Variants in RYR2 observed in about 807,000 individuals in gnomAD.
The protein encoded by RYR2 is cardiac muscle ryanodine receptor-calcium release channel.
RYR2 carries 227 observed loss-of-function variants against 601.1 expected under a neutral mutation model. That is an observed-to-expected ratio of 0.38 (90% CI 0.34 to 0.42). The LOEUF (loss-of-function observed/expected upper bound fraction) is 0.42. Ranked by LOEUF, RYR2 falls within the 10% of genes least tolerant of loss-of-function variation. The pLI is 1.00. For synonymous variants in RYR2, 2,223 were observed against 2,175.1 expected (o/e 1.02, Z -0.61); for missense variants, 4,646 against 6,156.5 (o/e 0.75, Z 8.21).
At chr1:237,374,643 A>G in intron 6 of RYR2, 74 bp from the exon 7 acceptor site, 2 of 1,261,536 alleles carry the variant, frequency 1.6e-6, no homozygotes, top group East Asian at 2.5e-5. Context: ...TGAGCTACAG[A>G]GCAACCTTGT....
rs779948778 is a variant in RYR2, at chr1:237,730,293, T to C, written c.10872T>C (p.Tyr3624=). 1 of 1,608,980 alleles carries C rather than the reference T, an allele frequency of 6.2e-7. No individual in the cohort carries two copies. Among genetic ancestry groups the C allele is most frequent in the Non-Finnish European group, 8.5e-7 (1 of 1,175,556 alleles). ...HRAVNLFLQG[Y]EKSWIETEEH... Reference sequence around the variant, plus strand: ...CTGTCAATCTCTTTCTTCAGGGATATGAAAAGTCTTGGATTGAAACAGAAG... The same window carrying C: ...CTGTCAATCTCTTTCTTCAGGGATACGAAAAGTCTTGGATTGAAACAGAAG... Residue 3624 remains tyrosine (Y), a synonymous_variant, in exon 77 of 105, where the codon TAT becomes TAC. Transcript: ENST00000366574.
chr1:237,140,323 A>T, intron 1 of RYR2, among the ~76,000 whole-genome samples: 1 of 152,220 alleles, frequency 6.6e-6, no homozygotes, highest in East Asian at 1.9e-4. Flanking sequence ...TTTAGACAGT[A>T]GAGCTTAAAA....
Position 237,723,021 on chromosome 1 carries a change from C to T in RYR2, c.10555-107C>T, listed in dbSNP as rs910082548. ...CGCGTCATGTCTTAACTGGTAAACA[C>T]TGTAAAGCCCAATAAATAATGATGG... On this transcript the variant is annotated intron_variant, in intron 73 of 104. Coordinates refer to ENST00000366574, the MANE Select transcript of RYR2 (RefSeq NM_001035.3). 8 of 961,492 alleles carry T rather than the reference C, an allele frequency of 8.3e-6. No individual in the cohort carries two copies. The African/African-American group carries it at 1.3e-4, about 16-fold the overall frequency. The allele number at this position is 961,492 out of a possible 1,614,324, so 59.6% of individuals were successfully genotyped here.
At chr1:237,542,666 C>T (rs1026613004) in intron 25 of RYR2, among the ~76,000 whole-genome samples, 8 of 152,234 alleles carry the variant, frequency 5.3e-5, no homozygotes, top group African/African-American at 1.9e-4. Flanking sequence ...GTGCCTCATC[C>T]GGGCCTCTTT....
chr1:237,436,027 G>C (rs1404173766), intron 12 of RYR2, among the ~76,000 whole-genome samples: 1 of 152,122 alleles, frequency 6.6e-6, no homozygotes, highest in East Asian at 1.9e-4. Context: ...ACCAAGAGCA[G>C]GGTAGAGTCC....
chr1:237,159,546 C>T (rs1163540761), intron 1 of RYR2, among the ~76,000 whole-genome samples: 1 of 151,586 alleles, frequency 6.6e-6, no homozygotes, highest in Non-Finnish European at 1.5e-5. Context: ...TGAACTCAGG[C>T]CGGGCACAGA....
chr1:237,775,098 GAAGT>G (rs1694562080), intron 87 of RYR2, among the ~76,000 whole-genome samples: 1 of 127,920 alleles, frequency 7.8e-6, no homozygotes, highest in Admixed American at 7.8e-5. Flanking sequence ...AAAAAAAACA[GAAGT>G]AACAAGTAAC....
At chr1:237,769,856 T>TC (rs983648587) in intron 84 of RYR2, among the ~76,000 whole-genome samples, 2 of 152,040 alleles carry the variant, frequency 1.3e-5, no homozygotes, top group African/African-American at 4.8e-5. Context: ...GTGTTTTTTT[T>TC]CCCCCCACGG....
At chr1:237,165,237 G>A (rs1676568309) in intron 1 of RYR2, among the ~76,000 whole-genome samples, 1 of 152,144 alleles carries the variant, frequency 6.6e-6, no homozygotes, top group South Asian at 2.1e-4. Flanking sequence ...CAAGAGTGAG[G>A]TAAAGTGGTG....
intron 101 of RYR2, among the ~76,000 whole-genome samples, chr1:237,820,183 A>G (rs1312743982): frequency 2.5e-5 from 3 of 121,290 alleles, no homozygotes; most frequent in African/African-American, 6.6e-5. Context: ...GCAAAACTCC[A>G]TCTCAAAAAA....
intron 1 of RYR2, among the ~76,000 whole-genome samples, chr1:237,045,030 T>C (rs1660404095): frequency 6.6e-6 from 1 of 151,704 alleles, no homozygotes; most frequent in Non-Finnish European, 1.5e-5. Flanking sequence ...CAGTTGTAGA[T>C]GGAAGAATTC....
At chr1:237,570,965 A>G (rs2148289915) in intron 29 of RYR2, among the ~76,000 whole-genome samples, 1 of 152,248 alleles carries the variant, frequency 6.6e-6, no homozygotes, top group South Asian at 2.1e-4. Flanking sequence ...TGTTTCTACA[A>G]AAATTAAAAA....
chr1:237,371,896 G>T (rs989155796), intron 6 of RYR2, among the ~76,000 whole-genome samples: 1 of 152,150 alleles, frequency 6.6e-6, no homozygotes, highest in Non-Finnish European at 1.5e-5. Flanking sequence ...GGGGCCTGTC[G>T]TGGGGTGGGG....
rs184752402 is a variant in RYR2, at chr1:237,333,478, G to A, written c.273+2496G>A. The A allele has an allele frequency of 2.2e-4, 84 of 376,832 alleles. 1 individual carries two copies. The highest frequency in any genetic ancestry group is 2.0e-4 in the Admixed American group (6 of 30,470). 23.3% of individuals were successfully genotyped at this position (376,832 alleles called of 1,614,324 possible). On this transcript the variant is annotated intron_variant, in intron 3 of 104. Coordinates refer to ENST00000366574, the MANE Select transcript of RYR2 (RefSeq NM_001035.3). ...GTATTTATGGATTTGGAGGTAGCCCGAGCAACGGGGGGTGTCCTGGAGGAC... is the reference window on the plus strand; with the variant it reads ...GTATTTATGGATTTGGAGGTAGCCCAAGCAACGGGGGGTGTCCTGGAGGAC...
intron 2 of RYR2, among the ~76,000 whole-genome samples, chr1:237,274,965 C>T (rs1339982344): frequency 6.6e-6 from 1 of 151,862 alleles, no homozygotes; most frequent in African/African-American, 2.4e-5. Flanking sequence ...GTATTACATA[C>T]ACTCCATGAT....
chr1:237,250,427 T>G (rs1037043839), intron 1 of RYR2, among the ~76,000 whole-genome samples: 1 of 152,346 alleles, frequency 6.6e-6, no homozygotes, highest in Non-Finnish European at 1.5e-5. Context: ...TTTTCTATGG[T>G]AATACCATGC....
chr1:237,617,789 TC>T (rs1314636488), intron 38 of RYR2, among the ~76,000 whole-genome samples: 1 of 152,180 alleles, frequency 6.6e-6, no homozygotes, highest in Non-Finnish European at 1.5e-5. Flanking sequence ...TTCATCATCT[TC>T]CACTCATAGG....
At chr1:237,188,808 G>A (rs1317684986) in intron 1 of RYR2, among the ~76,000 whole-genome samples, 2 of 152,128 alleles carry the variant, frequency 1.3e-5, no homozygotes, top group African/African-American at 4.8e-5. Context: ...GTCTAGGGTT[G>A]CAGCATTATT....
chr1:237,364,266 A>T, intron 4 of RYR2, 92 bp from the exon 5 acceptor site: 1 of 1,163,436 alleles, frequency 8.6e-7, no homozygotes, highest in Non-Finnish European at 1.2e-6. Context: ...CATTTAGGAT[A>T]ACGGAGTCTT....
Sources: allele counts gnomAD v4.1 joint callset (sites outside exome capture counted in the v4.1 genomes callset), GRCh38; gene constraint gnomAD v4.1.1; transcripts MANE v1.5; gene names NCBI Gene and HGNC (gene_info 2026-07-23, HGNC 2026-07-21).